The following SH3KBP1 variants were observed in gnomAD, a reference collection of about 807,000 sequenced individuals.
SH3KBP1 encodes the protein SH3 domain-containing kinase-binding protein 1.
SH3KBP1 carries 8 observed loss-of-function variants against 50.1 expected under a neutral mutation model. The observed-to-expected ratio is 0.16, with a 90% confidence interval of 0.09 to 0.29. The LOEUF (loss-of-function observed/expected upper bound fraction) is 0.29. Ranked by LOEUF, SH3KBP1 falls within the 10% of genes least tolerant of loss-of-function variation. SH3KBP1 has a pLI of 1.00. For synonymous variants in SH3KBP1, 227 were observed against 218.6 expected (o/e 1.04, Z -0.34); for missense variants, 377 against 535.2 (o/e 0.70, Z 2.92).
At chrX:19,542,305 A>G (rs2064941789) in intron 15 of SH3KBP1, 112 bp from the exon 16 acceptor site, 1 of 746,956 alleles carries the variant, frequency 1.3e-6, no homozygotes, top group East Asian at 3.7e-5. Context: ...CTCTCCACAC[A>G]CTCCATTCAC....
intron 13 of SH3KBP1, among the ~76,000 whole-genome samples, chrX:19,551,958 C>T (rs935611872): frequency 8.1e-5 from 9 of 111,522 alleles, no homozygotes; most frequent in Admixed American, 7.6e-4. Flanking sequence ...AAAAACAAAA[C>T]ACGAAATTGT....
intron 1 of SH3KBP1, among the ~76,000 whole-genome samples, chrX:19,840,041 T>A (rs771956873): frequency 4.4e-5 from 5 of 112,628 alleles, no homozygotes; most frequent in African/African-American, 1.6e-4. Flanking sequence ...GGTTAATTCT[T>A]TTGTAACATG....
chrX:19,699,768 C>A (rs763702754), intron 4 of SH3KBP1, among the ~76,000 whole-genome samples: 7 of 111,849 alleles, frequency 6.3e-5, no homozygotes, highest in African/African-American at 9.8e-5. Flanking sequence ...CCTGGGTGAA[C>A]TTCAATACTC....
At chrX:19,663,770 C>G (rs1301272793) in intron 6 of SH3KBP1, among the ~76,000 whole-genome samples, 1 of 112,031 alleles carries the variant, frequency 8.9e-6, no homozygotes, top group Non-Finnish European at 1.9e-5. Flanking sequence ...TATTTGCAAT[C>G]TGATCACTAT....
At chrX:19,859,205 A>G (rs1024203219) in intron 1 of SH3KBP1, among the ~76,000 whole-genome samples, 1 of 110,231 alleles carries the variant, frequency 9.1e-6, no homozygotes, top group Admixed American at 9.6e-5. Context: ...CTGGAGTACA[A>G]TGGTGCAATC....
intron 2 of SH3KBP1, among the ~76,000 whole-genome samples, chrX:19,805,166 G>A (rs901542477): frequency 2.7e-5 from 3 of 109,971 alleles, no homozygotes; most frequent in African/African-American, 9.9e-5. Context: ...AAATGTAAAG[G>A]GAGTCAAAAA....
chrX:19,565,706 G>A (rs936523444), intron 13 of SH3KBP1, among the ~76,000 whole-genome samples: 1 of 110,824 alleles, frequency 9.0e-6, no homozygotes, highest in Non-Finnish European at 1.9e-5. Context: ...ACCTCAACGA[G>A]GATTAAAAGT....
intron 2 of SH3KBP1, among the ~76,000 whole-genome samples, chrX:19,767,638 GC>G (rs2065661391): frequency 9.0e-6 from 1 of 110,971 alleles, no homozygotes; most frequent in South Asian, 3.8e-4. Context: ...GACACAGCAT[GC>G]CTTTGTGAGT....
chrX:19,813,853 T>C (rs1245853964), intron 2 of SH3KBP1, among the ~76,000 whole-genome samples: 1 of 112,300 alleles, frequency 8.9e-6, no homozygotes, highest in Non-Finnish European at 1.9e-5. Context: ...CTCCAGTGTC[T>C]TGGAGTGGCT....
chrX:19,600,851 T>A (rs1258232900), intron 9 of SH3KBP1, among the ~76,000 whole-genome samples: 1 of 108,785 alleles, frequency 9.2e-6, no homozygotes, highest in Admixed American at 9.8e-5. Flanking sequence ...AGGTAAGTGC[T>A]AAAAAAAAAC....
intron 7 of SH3KBP1, among the ~76,000 whole-genome samples, chrX:19,637,500 G>A (rs2061736739): frequency 8.9e-6 from 1 of 111,916 alleles, no homozygotes. Flanking sequence ...CAGAGTATCT[G>A]AAACGGGACA....
chrX:19,707,921 C>T (rs1188798112), intron 3 of SH3KBP1, among the ~76,000 whole-genome samples: 2 of 112,651 alleles, frequency 1.8e-5, no homozygotes, highest in African/African-American at 6.5e-5. Context: ...GAAGTGAGAC[C>T]GACATTGCTC....
At chrX:19,697,020 G>A (rs1470258316) in intron 4 of SH3KBP1, among the ~76,000 whole-genome samples, 1 of 111,840 alleles carries the variant, frequency 8.9e-6, no homozygotes, top group African/African-American at 3.3e-5. Flanking sequence ...AGTCAGCCAT[G>A]TGATCATGAG....
intron 2 of SH3KBP1, among the ~76,000 whole-genome samples, chrX:19,769,105 G>A (rs1206471123): frequency 1.1e-5 from 1 of 94,748 alleles, no homozygotes; most frequent in Non-Finnish European, 2.1e-5. Context: ...TTTGAGACAG[G>A]GTCTAGCTCT....
rs2064653860 is a variant in SH3KBP1, at chrX:19,534,156, T to G, written c.*2261A>C. 9.1e-6 allele frequency: 1 copy of G among 110,274 alleles called. No individual in the cohort carries two copies. Among genetic ancestry groups the G allele is most frequent in the Non-Finnish European group, 1.9e-5 (1 of 52,752 alleles). The allele number at this position is 110,274 out of a possible 1,213,427, so 9.1% of individuals were successfully genotyped here. ...AGTGATACTTCCAAGCTTTTCAACA[T>G]TCTCGATGGGTCCATTTTGTAAAGA... On this transcript the variant is annotated 3_prime_UTR_variant, in exon 18 of 18. Coordinates refer to ENST00000397821, the MANE Select transcript of SH3KBP1 (RefSeq NM_031892.3).
chrX:19,834,966 T>G (rs1603272880), intron 2 of SH3KBP1, among the ~76,000 whole-genome samples: 1 of 101,661 alleles, frequency 9.8e-6, no homozygotes, highest in Non-Finnish European at 2.0e-5. Flanking sequence ...ACCTGGGAGG[T>G]GGAGGTTGCA....
At chrX:19,816,470 C>T (rs1418415120) in intron 2 of SH3KBP1, among the ~76,000 whole-genome samples, 3 of 111,772 alleles carry the variant, frequency 2.7e-5, no homozygotes, top group Non-Finnish European at 5.6e-5. Flanking sequence ...ATCTTTTCAT[C>T]CTCTTCACAT....
chrX:19,620,934 A>G (rs985410663), intron 8 of SH3KBP1, among the ~76,000 whole-genome samples: 3 of 108,151 alleles, frequency 2.8e-5, no homozygotes, highest in African/African-American at 1.0e-4. Context: ...TGTTTCATAC[A>G]TAACTTTTGA....
chrX:19,737,115 T>C (rs2064608852), intron 3 of SH3KBP1, among the ~76,000 whole-genome samples: 1 of 110,475 alleles, frequency 9.1e-6, no homozygotes, highest in South Asian at 3.9e-4. Context: ...TCTCACCATG[T>C]TGCCCCGGCT....
Sources: gnomAD v4.1 joint callset for allele counts (sites outside exome capture counted in the v4.1 genomes callset) on GRCh38, gnomAD v4.1.1 for gene constraint, MANE v1.5 for transcripts, NCBI Gene and HGNC (gene_info 2026-07-23, HGNC 2026-07-21) for gene names.